CTCF: variants seen among roughly 807,000 people sequenced by gnomAD.
CTCF encodes CCCTC-binding factor.
CTCF carries 7 observed loss-of-function variants against 72.3 expected under a neutral mutation model. The ratio of observed to expected loss-of-function variants is 0.10; its 90% CI spans 0.06 to 0.18. CTCF has a LOEUF of 0.18. Ranked by LOEUF, CTCF falls within the 10% of genes least tolerant of loss-of-function variation. The pLI, the probability that CTCF is intolerant of heterozygous loss-of-function variation, is 1.00. For synonymous variants in CTCF, 374 were observed against 315.8 expected, an observed-to-expected ratio of 1.18 and a Z score of -1.95; for missense variants, 516 against 949.1, an observed-to-expected ratio of 0.54 and a Z score of 6.00.
chr16:67,618,358 C>T (rs1199261473), intron 5 of CTCF, among the ~76,000 whole-genome samples: 1 of 152,164 alleles, frequency 6.6e-6, no homozygotes, highest in Non-Finnish European at 1.5e-5. Flanking sequence ...GGCAAGATCG[C>T]ACCACTGCAC....
In CTCF at chr16:67,612,090, C is replaced by T. The variant is rs937431863; in HGVS notation, c.921C>T (p.Thr307=). The T allele has an allele frequency of 6.2e-7, 1 of 1,614,088 alleles. No homozygotes were observed. Among genetic ancestry groups the T allele is most frequent in the African/African-American group, 1.3e-5 (1 of 75,030 alleles). ...GTGGCAGGGCATTCAGAACAGTCAC[C>T]CTCCTGAGGAATCACCTTAACACAC... is the stretch of plus-strand genomic sequence containing the variant. ...HLCGRAFRTV[T]LLRNHLNTHT... is the part of the protein sequence containing the mutation. Residue 307 remains threonine (T), a synonymous_variant, in exon 4 of 12, where the codon ACC becomes ACT. Transcript: ENST00000264010.
intron 6 of CTCF, 21 bp from the exon 7 acceptor site, chr16:67,621,418 GTTC>G: frequency 6.5e-7 from 1 of 1,538,800 alleles, no homozygotes; most frequent in Non-Finnish European, 9.0e-7. Context: ...TCATTTATGT[GTTC>G]ATTCTGTATT....
At chr16:67,631,463 C>T (rs938496683) in intron 10 of CTCF, among the ~76,000 whole-genome samples, 1 of 152,016 alleles carries the variant, frequency 6.6e-6, no homozygotes, top group Non-Finnish European at 1.5e-5. Flanking sequence ...CTGTGCCCGG[C>T]TGTTTTTTTG....
At chr16:67,578,420 C>A (rs1422854827) in intron 2 of CTCF, among the ~76,000 whole-genome samples, 1 of 148,502 alleles carries the variant, frequency 6.7e-6, no homozygotes, top group African/African-American at 2.5e-5. Flanking sequence ...GCAACCTCTA[C>A]CTCCTGAGTT....
Position 67,638,740 on chromosome 16 carries a change from T to C in CTCF, c.*868T>C, listed in dbSNP as rs867510485. The C allele has an allele frequency of 4.5e-6, 1 of 223,002 alleles. No individual in the cohort carries two copies. Among genetic ancestry groups the C allele is most frequent in the African/African-American group, 2.2e-5 (1 of 44,740 alleles). The allele number at this position is 223,002 out of a possible 1,614,324, so 13.8% of individuals were successfully genotyped here. On this transcript the variant is annotated 3_prime_UTR_variant, in exon 12 of 12. Coordinates refer to ENST00000264010, the MANE Select transcript of CTCF (RefSeq NM_006565.4). ...TTGCCCTGTTTGTAGCTGATTGTTG[T>C]GTTTTATAAATCTTCTGTTAAGGCA... is the stretch of plus-strand genomic sequence containing the variant.
At position 67,636,871 on chromosome 16, in the gene CTCF, T is replaced by C. The variant is rs749867117; in HGVS notation, c.1999+20T>C. 1.4e-6 allele frequency: 2 copies of C among 1,480,818 alleles called. No individual in the cohort carries two copies. The highest frequency in any genetic ancestry group is 2.8e-5 in the South Asian group (2 of 71,344). 91.7% of individuals were successfully genotyped at this position (1,480,818 alleles called of 1,614,324 possible). A position where few individuals can be genotyped will look rare whatever the true frequency, so the allele number is the denominator to read the frequency against. ...ACCAGCGTAAGTTGTTCATCTCTGC[T>C]CTGGAGGCTGGCGTCTTCTCCGAGC... On this transcript the variant is annotated intron_variant, in intron 11 of 11. Coordinates refer to ENST00000264010, the MANE Select transcript of CTCF (RefSeq NM_006565.4).
At chr16:67,609,828 G>A (rs2052034720) in intron 2 of CTCF, among the ~76,000 whole-genome samples, 1 of 151,982 alleles carries the variant, frequency 6.6e-6, no homozygotes, top group African/African-American at 2.4e-5. Context: ...GTTTCACCGT[G>A]TTAGCCAGGA....
chr16:67,601,248 GTGTGTGTTT>G (rs1224528783), intron 2 of CTCF, among the ~76,000 whole-genome samples: 28 of 146,830 alleles, frequency 1.9e-4, no homozygotes, highest in African/African-American at 4.5e-4. Flanking sequence ...GTGTGTGTGT[GTGTGTGTTT>G]TGTTTTGTTT....
intron 4 of CTCF, chr16:67,615,814 T>A (rs2052125163): frequency 6.6e-6 from 1 of 152,208 alleles, no homozygotes; most frequent in Non-Finnish European, 1.5e-5. Context: ...CTCCAGTCAC[T>A]CTTCCTCTCC....
chr16:67,580,868 G>C (rs534248445), intron 2 of CTCF, among the ~76,000 whole-genome samples: 1 of 150,902 alleles, frequency 6.6e-6, no homozygotes, highest in African/African-American at 2.4e-5. Flanking sequence ...CACCCACGTC[G>C]GCCTCCCAAA....
chr16:67,594,330 G>C lies in CTCF; in HGVS notation c.-9-16494G>C, dbSNP rs923330718. Among the ~76,000 whole-genome samples the C allele has an allele frequency of 9.7e-4, 147 of 151,120 alleles. 1 individual carries two copies. Among genetic ancestry groups the C allele is most frequent in the African/African-American group, 3.4e-3 (140 of 41,128 alleles). ...ACCCAGGATGTCAAGGCTGTAGTGA[G>C]CCTTGATTGTGCCACTGCACTCCAG... On this transcript the variant is annotated intron_variant, in intron 2 of 11. Transcript: ENST00000264010.
chr16:67,587,189 T>C (rs2051680693), intron 2 of CTCF, among the ~76,000 whole-genome samples: 1 of 151,058 alleles, frequency 6.6e-6, no homozygotes, highest in Admixed American at 6.6e-5. Context: ...CTCAAAATTC[T>C]GGGCACAAGC....
chr16:67,620,408 C>G (rs1303130743), intron 5 of CTCF, among the ~76,000 whole-genome samples: 1 of 152,140 alleles, frequency 6.6e-6, no homozygotes, highest in African/African-American at 2.4e-5. Flanking sequence ...ACCATTTGGC[C>G]AGGCTGGTCT....
chr16:67,611,722 A>G, intron 3 of CTCF, 109 bp downstream of exon 3: 1 of 1,138,360 alleles, frequency 8.8e-7, no homozygotes, highest in Non-Finnish European at 1.2e-6. Context: ...AAAGGTCGTT[A>G]TGTGGGTACC....
At position 67,580,772 on chromosome 16, in the gene CTCF, A is replaced by ATTTTTTTTTTTTTTTTT. The variant is rs781616750; in HGVS notation, c.-10+9515_-10+9531dup. Among the ~76,000 whole-genome samples the ATTTTTTTTTTTTTTTTT allele has an allele frequency of 5.4e-4, 65 of 120,148 alleles. 1 individual carries two copies. Among genetic ancestry groups the ATTTTTTTTTTTTTTTTT allele is most frequent in the African/African-American group, 2.1e-3 (62 of 28,904 alleles). The allele number at this position is 120,148 out of a possible 152,430, so 78.8% of individuals were successfully genotyped here. On this transcript the variant is annotated intron_variant, in intron 2 of 11. Transcript: ENST00000264010. ...GGCACCTGCCCCAACGCCTGGCCAA[A>ATTTTTTTTTTTTTTTTT]TTTTTTTTTTTTTTTTTTTTTTTAG...
At position 67,620,755 on chromosome 16, in the gene CTCF, G is replaced by A. The variant is rs2142847644; in HGVS notation, c.1145G>A (p.Ser382Asn). 1 of 1,605,660 alleles carries A rather than the reference G, an allele frequency of 6.2e-7. No homozygotes were observed. The highest frequency in any genetic ancestry group is 2.2e-5 in the East Asian group (1 of 44,750). The change falls in exon 6 of 12, where the codon AGT (serine) becomes AAT (asparagine). Residue 382 changes from serine to asparagine, a missense_variant. Coordinates refer to ENST00000264010, the MANE Select transcript of CTCF (RefSeq NM_006565.4). ...SHTGERPFQC[S>N]LCSYASRDTY... The stretch of plus-strand genomic sequence containing the variant: ...ACTGGAGAGCGTCCGTTTCAGTGCA[G>A]TTTGTGCAGTTATGCCAGCAGGGAC...
chr16:67,618,325 C>A (rs1307757590), intron 5 of CTCF, among the ~76,000 whole-genome samples: 1 of 152,184 alleles, frequency 6.6e-6, no homozygotes, highest in African/African-American at 2.4e-5. Flanking sequence ...TCACTTGAAC[C>A]TGGGAGGTGA....
intron 10 of CTCF, among the ~76,000 whole-genome samples, chr16:67,632,237 A>G (rs536025058): frequency 4.6e-5 from 7 of 152,262 alleles, no homozygotes; most frequent in East Asian, 1.9e-4. Context: ...ACTCTGTCCT[A>G]TGTCCTGCTT....
At chr16:67,594,258 C>T (rs1234010791) in intron 2 of CTCF, among the ~76,000 whole-genome samples, 1 of 151,852 alleles carries the variant, frequency 6.6e-6, no homozygotes, top group Non-Finnish European at 1.5e-5. Flanking sequence ...GTGGCACATG[C>T]TTGTAGTCCC....
Sources: allele counts gnomAD v4.1 joint callset (sites outside exome capture counted in the v4.1 genomes callset), GRCh38; gene constraint gnomAD v4.1.1; transcripts MANE v1.5; gene names NCBI Gene and HGNC (gene_info 2026-07-23, HGNC 2026-07-21).